Variants in SPAG9 observed in about 807,000 individuals in gnomAD.
SPAG9 encodes C-Jun-amino-terminal kinase-interacting protein 4.
In SPAG9, 35 loss-of-function variants were observed where a neutral mutation model predicts 166.5. The observed-to-expected ratio is 0.21, with a 90% CI of 0.16 to 0.28. The LOEUF (loss-of-function observed/expected upper bound fraction) is 0.28. Ranked by LOEUF, SPAG9 falls within the 10% of genes least tolerant of loss-of-function variation. The pLI, the probability that SPAG9 is intolerant of heterozygous loss-of-function variation, is 1.00. For synonymous variants in SPAG9, 534 were observed against 565.5 expected (o/e 0.94, Z 0.79); for missense variants, 1,235 against 1,603.3 (o/e 0.77, Z 3.92).
chr17:51,038,188 A>G lies in SPAG9; in HGVS notation c.741+3313T>C, dbSNP rs531905920. On this transcript the variant is annotated intron_variant, in intron 5 of 29. Transcript: ENST00000262013. ...GGAAACTATAAAGAAAAGCAATTAGATGCAGAGGTCTAGAGTCCAGGGAAG... is the reference window on the plus strand; with the variant it reads ...GGAAACTATAAAGAAAAGCAATTAGGTGCAGAGGTCTAGAGTCCAGGGAAG... Among the ~76,000 whole-genome samples the G allele has an allele frequency of 5.9e-5, 9 of 152,296 alleles. No homozygotes were observed. In the South Asian group the frequency reaches 1.9e-3, roughly 32 times the overall value.
At chr17:51,026,339 A>AAAAAAAAAAC (rs2046171715) in intron 6 of SPAG9, among the ~76,000 whole-genome samples, 1 of 151,694 alleles carries the variant, frequency 6.6e-6, no homozygotes, top group Admixed American at 6.6e-5. Context: ...AAAAAAAAAA[A>AAAAAAAAAAC]AAAAAATAAC....
At chr17:51,056,993 A>C (rs568253201) in intron 2 of SPAG9, among the ~76,000 whole-genome samples, 34 of 152,244 alleles carry the variant, frequency 2.2e-4, no homozygotes, top group Middle Eastern at 6.8e-3. Flanking sequence ...CTCACAGAGT[A>C]CAACTTCAGG....
chr17:50,994,475 G>A (rs1975897379), intron 18 of SPAG9, among the ~76,000 whole-genome samples: 1 of 152,144 alleles, frequency 6.6e-6, no homozygotes, highest in African/African-American at 2.4e-5. Context: ...AGTTAGGCTG[G>A]CACAGTGGCT....
intron 17 of SPAG9, 32 bp from the exon 18 acceptor site, chr17:50,995,256 T>C: frequency 1.3e-6 from 2 of 1,587,728 alleles, no homozygotes; most frequent in Middle Eastern, 1.7e-4. Context: ...CAATATTAAG[T>C]CTAGAAATGT....
At chr17:51,051,018 AAG>A (rs1416329856) in intron 3 of SPAG9, among the ~76,000 whole-genome samples, 3 of 144,232 alleles carry the variant, frequency 2.1e-5, no homozygotes, top group African/African-American at 8.3e-5. Context: ...GAAAGGAAGA[AAG>A]AGAATTTAAA....
Position 50,974,805 on chromosome 17 carries a change from G to A in SPAG9, c.3666C>T (p.His1222=), listed in dbSNP as rs190206102. The part of the protein sequence containing the change: ...MAHAQLCFHG[H]RDAVKFFVAV... ...CCACAAAGAATTTCACAGCATCCCG[G>A]TGCCCATGGAAGCAAAGCTGTGCAT... is the stretch of plus-strand genomic sequence containing the variant. The change falls in exon 28 of 30, where the codon CAC becomes CAT. Residue 1222 remains histidine, a synonymous_variant. Coordinates refer to ENST00000262013, the MANE Select transcript of SPAG9 (RefSeq NM_001130528.3). 1.2e-6 allele frequency: 2 copies of A among 1,604,806 alleles called. No homozygotes were observed. The highest frequency in any genetic ancestry group is 2.2e-5 in the East Asian group (1 of 44,500).
chr17:51,102,907 G>A (rs540768812), intron 1 of SPAG9, among the ~76,000 whole-genome samples: 5 of 152,236 alleles, frequency 3.3e-5, no homozygotes, highest in African/African-American at 1.2e-4. Flanking sequence ...GACTTCAGGC[G>A]TGTGTTGCTA....
intron 12 of SPAG9, among the ~76,000 whole-genome samples, chr17:51,002,520 C>T (rs1021539245): frequency 2.0e-5 from 3 of 152,116 alleles, no homozygotes; most frequent in South Asian, 2.1e-4. Flanking sequence ...CAGTGACTCA[C>T]GCCTGTAGTC....
At chr17:51,118,918 T>C (rs1432507459) in intron 1 of SPAG9, among the ~76,000 whole-genome samples, 1 of 150,946 alleles carries the variant, frequency 6.6e-6, no homozygotes, top group Non-Finnish European at 1.5e-5. Context: ...AGTGTTGTCC[T>C]AGCTCCTTAG....
At chr17:51,069,001 A>G (rs1034263749) in intron 2 of SPAG9, among the ~76,000 whole-genome samples, 2 of 152,128 alleles carry the variant, frequency 1.3e-5, no homozygotes, top group East Asian at 3.8e-4. Context: ...TCCCACTCAT[A>G]TGTAGGCTCT....
At chr17:51,116,579 C>T (rs2049294169) in intron 1 of SPAG9, among the ~76,000 whole-genome samples, 1 of 152,088 alleles carries the variant, frequency 6.6e-6, no homozygotes, top group Non-Finnish European at 1.5e-5. Context: ...CCAGACTGGG[C>T]AACACAGTGA....
rs115690223 is a variant in SPAG9 at position 51,113,889 on chromosome 17, G to A, written c.303+6465C>T. ...ATGATCCTGTAGTCCCAGCTATTCC[G>A]GAAGTTGAGATGGGAGGATCGCTTG... On this transcript the variant is annotated intron_variant, in intron 1 of 29. Coordinates refer to ENST00000262013, the MANE Select transcript of SPAG9 (RefSeq NM_001130528.3). 2.6e-3 allele frequency among the ~76,000 whole-genome samples: 391 copies of A among 152,130 alleles called. 2 individuals are homozygous for A. The highest frequency in any genetic ancestry group is 8.4e-3 in the African/African-American group (350 of 41,514).
At chr17:51,022,274 CAG>C (rs1468833944) in intron 6 of SPAG9, among the ~76,000 whole-genome samples, 2 of 151,936 alleles carry the variant, frequency 1.3e-5, no homozygotes, top group East Asian at 3.9e-4. Flanking sequence ...GAGGAGTAGA[CAG>C]AGTCTAAGTC....
At chr17:51,049,747 G>A (rs996950093) in intron 3 of SPAG9, among the ~76,000 whole-genome samples, 3 of 152,056 alleles carry the variant, frequency 2.0e-5, no homozygotes, top group East Asian at 3.9e-4. Flanking sequence ...ACAGGTGCCC[G>A]CCACCACACC....
Position 50,998,503 on chromosome 17 carries a change from G to C in SPAG9, c.1779C>G (p.Ser593Arg). ...CCCCAGGGAGCTGAGATAAGGTGCT[G>C]CTTCTTTTCTTGACGGACGGAGTAA... ...SHVTPSVKKRSSTLSQLPGDK... is the reference protein window; with the variant it reads ...SHVTPSVKKRRSTLSQLPGDK... The change falls in exon 15 of 30, where the codon AGC (serine) becomes AGG (arginine). Residue 593 changes from serine to arginine, a missense_variant. Physicochemically the swap from Ser to Arg is moderately radical, Grantham distance 110. Around this residue, in one of 6 missense-constraint regions of SPAG9, gnomAD observed 493 missense variants for 559.4 expected, o/e 0.88. Transcript: ENST00000262013. 1 of 1,614,158 alleles carries C rather than the reference G, an allele frequency of 6.2e-7. No individual in the cohort carries two copies. The highest frequency in any genetic ancestry group is 8.5e-7 in the Non-Finnish European group (1 of 1,179,996).
At chr17:51,097,175 A>G (rs972565616) in intron 1 of SPAG9, among the ~76,000 whole-genome samples, 1 of 152,238 alleles carries the variant, frequency 6.6e-6, no homozygotes, top group African/African-American at 2.4e-5. Context: ...CTGCAGGGTG[A>G]CATGTACAGG....
At chr17:51,098,919 C>T (rs2048720795) in intron 1 of SPAG9, among the ~76,000 whole-genome samples, 1 of 151,360 alleles carries the variant, frequency 6.6e-6, no homozygotes, top group African/African-American at 2.4e-5. Context: ...GGCCAATATG[C>T]TGAAACCCGG....
Position 51,004,194 on chromosome 17 carries a change from T to G in SPAG9, c.1476+1018A>C, listed in dbSNP as rs138360507. On this transcript the variant is annotated intron_variant, in intron 12 of 29. Transcript: ENST00000262013. ...AGTTAAGCAAATGATAAATATAGGA[T>G]AGCAGCTTTCTCTGCAGGGGAGGAA... 6.6e-3 allele frequency among the ~76,000 whole-genome samples: 998 copies of G among 152,322 alleles called. 8 individuals carry two copies. Among genetic ancestry groups the G allele is most frequent in the African/African-American group, 0.022 (932 of 41,566 alleles).
At chr17:51,066,018 T>C (rs146566815) in intron 2 of SPAG9, among the ~76,000 whole-genome samples, 161 of 152,330 alleles carry the variant, frequency 1.1e-3, no homozygotes, top group African/African-American at 3.8e-3. Context: ...GCAACTACAG[T>C]TAGCTTAACA....
Sources: allele counts gnomAD v4.1 joint callset (sites outside exome capture counted in the v4.1 genomes callset), GRCh38; gene constraint gnomAD v4.1.1; regional missense constraint gnomAD v4.1.1; transcripts MANE v1.5; gene names NCBI Gene and HGNC (gene_info 2026-07-23, HGNC 2026-07-21).